GRB10: variants seen among roughly 807,000 people sequenced by gnomAD.
The protein encoded by GRB10 is growth factor receptor bound protein 10.
GRB10 carries 20 observed loss-of-function variants against 80.9 expected under a neutral mutation model. The ratio of observed to expected loss-of-function variants is 0.25; its 90% CI spans 0.17 to 0.36. The LOEUF (loss-of-function observed/expected upper bound fraction) is 0.36, where lower values mean the gene tolerates loss of function less well. GRB10 is among the 10% of genes least tolerant of loss of function. GRB10 has a pLI of 1.00. For missense variants in GRB10, 548 were observed against 747.7 expected (o/e 0.73, Z 3.12); for synonymous variants, 291 against 291.5 (o/e 1.00, Z 0.02).
chr7:50,641,060 A>G (rs1218763829), intron 7 of GRB10, among the ~76,000 whole-genome samples: 1 of 152,022 alleles, frequency 6.6e-6, no homozygotes, highest in Non-Finnish European at 1.5e-5. Flanking sequence ...CTGCCAATCC[A>G]GTGAGCGCCT....
chr7:50,761,612 T>C (rs2075775262), intron 2 of GRB10: 1 of 152,232 alleles, frequency 6.6e-6, no homozygotes, highest in Non-Finnish European at 1.5e-5. Flanking sequence ...CAGATGTAAC[T>C]GTTCTAGGGT....
intron 7 of GRB10, among the ~76,000 whole-genome samples, chr7:50,631,909 C>T (rs190043173): frequency 4.6e-5 from 7 of 152,240 alleles, no homozygotes; most frequent in Middle Eastern, 3.4e-3. Flanking sequence ...ACCAGGGCTC[C>T]CCGCCCTGGC....
intron 17 of GRB10, among the ~76,000 whole-genome samples, chr7:50,602,541 C>A (rs1176901262): frequency 1.3e-5 from 2 of 152,120 alleles, no homozygotes; most frequent in African/African-American, 4.8e-5. Flanking sequence ...ATGCTATTAG[C>A]AAATGACCCA....
At chr7:50,777,641 A>G (rs1466246249) in intron 2 of GRB10, among the ~76,000 whole-genome samples, 1 of 152,162 alleles carries the variant, frequency 6.6e-6, no homozygotes, top group African/African-American at 2.4e-5. Flanking sequence ...CACTACTTAC[A>G]AAAGCAAAGA....
chr7:50,710,854 C>T lies in GRB10; in HGVS notation c.52-6946G>A, dbSNP rs146054144. On this transcript the variant is annotated intron_variant, in intron 4 of 18. Coordinates refer to ENST00000401949, the MANE Select transcript of GRB10 (RefSeq NM_001350814.2). ...CCAGCAACTAAAGGTACTGAGTGTTCGGTAGACAGCGGGCACTGACCTTAC... is the reference window on the plus strand; with the variant it reads ...CCAGCAACTAAAGGTACTGAGTGTTTGGTAGACAGCGGGCACTGACCTTAC... The T allele has an allele frequency of 5.8e-4, 941 of 1,612,004 alleles. 2 individuals carry two copies. The East Asian group carries it at 0.014, about 24-fold the overall frequency.
rs895222389 is a variant in GRB10, at chr7:50,626,528, G to A, written c.661+294C>T. On this transcript the variant is annotated intron_variant, in intron 8 of 18. Coordinates refer to ENST00000401949, the MANE Select transcript of GRB10 (RefSeq NM_001350814.2). ...ACAGGTGTGCAGCAAGCTCCATGTGGCTCTGACAGCTGGGGAGGCTGGACA... is the reference window on the plus strand; with the variant it reads ...ACAGGTGTGCAGCAAGCTCCATGTGACTCTGACAGCTGGGGAGGCTGGACA... 7.9e-5 allele frequency among the ~76,000 whole-genome samples: 12 copies of A among 152,208 alleles called. 1 individual carries two copies. Among genetic ancestry groups the A allele is most frequent in the Non-Finnish European group, 1.5e-4 (10 of 68,038 alleles).
intron 4 of GRB10, among the ~76,000 whole-genome samples, chr7:50,714,354 A>G (rs190620682): frequency 3.3e-5 from 5 of 152,334 alleles, no homozygotes; most frequent in Admixed American, 2.6e-4. Flanking sequence ...TAGTCAAATT[A>G]TATTTATATA....
Position 50,782,134 on chromosome 7 carries a change from G to A in GRB10, c.-327+290C>T, listed in dbSNP as rs1057406036. On this transcript the variant is annotated intron_variant, in intron 1 of 18. Coordinates refer to ENST00000401949, the MANE Select transcript of GRB10 (RefSeq NM_001350814.2). This position sits in a 1 kb window ranked among gnomAD's most constrained non-coding sequence, Gnocchi z 6.6. The stretch of plus-strand genomic sequence containing the variant: ...GCTCGAATCGTCGTCACGGGTTTCC[G>A]TGGGTACAGTTATTACTCGTTACAT... Among the ~76,000 whole-genome samples the A allele has an allele frequency of 3.3e-5, 5 of 152,208 alleles. No individual in the cohort carries two copies. The highest frequency in any genetic ancestry group is 9.6e-5 in the African/African-American group (4 of 41,452).
At chr7:50,642,730 T>C (rs1192150067) in intron 7 of GRB10, among the ~76,000 whole-genome samples, 2 of 151,990 alleles carry the variant, frequency 1.3e-5, no homozygotes, top group Non-Finnish European at 2.9e-5. Flanking sequence ...GCATTTCAGA[T>C]AAAGAATACT....
chr7:50,608,078 G>A (rs1412655660), intron 13 of GRB10, among the ~76,000 whole-genome samples: 2 of 152,148 alleles, frequency 1.3e-5, no homozygotes, highest in African/African-American at 2.4e-5. Flanking sequence ...GGAAATATTT[G>A]ATGAGATAAT....
chr7:50,729,419 GCTTTT>G (rs1397165390), intron 4 of GRB10: 1 of 152,078 alleles, frequency 6.6e-6, no homozygotes, highest in East Asian at 1.9e-4. Flanking sequence ...AATAAATGTT[GCTTTT>G]ATTTACCATA....
At chr7:50,614,973 C>T (rs990230700) in intron 11 of GRB10, 93 bp from the exon 12 acceptor site, 13 of 800,824 alleles carry the variant, frequency 1.6e-5, no homozygotes, top group East Asian at 2.5e-5. Context: ...TGCACACTTA[C>T]AAGCACTTTC....
At chr7:50,788,371 G>A (rs2078780292) in intron 1 of GRB10, among the ~76,000 whole-genome samples, 1 of 152,126 alleles carries the variant, frequency 6.6e-6, no homozygotes, top group African/African-American at 2.4e-5. Context: ...CATGTGAAAG[G>A]ACAAGAGAAG....
intron 3 of GRB10, among the ~76,000 whole-genome samples, chr7:50,734,298 G>C (rs1035698493): frequency 6.6e-6 from 1 of 151,908 alleles, no homozygotes; most frequent in African/African-American, 2.4e-5. Context: ...CCATGTCCTA[G>C]CCCCATCTCT....
chr7:50,654,766 A>AC (rs368502865), intron 7 of GRB10, among the ~76,000 whole-genome samples: 5 of 152,066 alleles, frequency 3.3e-5, no homozygotes, highest in Admixed American at 6.6e-5. Context: ...TTCCCTACCT[A>AC]CCTAGGAGAG....
At chr7:50,754,463 G>A (rs1276616142) in intron 3 of GRB10, among the ~76,000 whole-genome samples, 1 of 152,196 alleles carries the variant, frequency 6.6e-6, no homozygotes, top group Admixed American at 6.5e-5. Flanking sequence ...CATGACCAGG[G>A]CGGGAGCTGC....
chr7:50,630,068 C>T (rs181957738), intron 7 of GRB10, among the ~76,000 whole-genome samples: 1 of 152,336 alleles, frequency 6.6e-6, no homozygotes, highest in East Asian at 1.9e-4. Flanking sequence ...TGAGTTCTAT[C>T]CCGGCTTAGC....
At chr7:50,718,595 C>T (rs538119903) in intron 4 of GRB10, among the ~76,000 whole-genome samples, 1 of 152,246 alleles carries the variant, frequency 6.6e-6, no homozygotes, top group Non-Finnish European at 1.5e-5. Context: ...GGGTCTTAAA[C>T]CCGCACTCTA....
chr7:50,754,247 G>A (rs2074672052), intron 3 of GRB10, among the ~76,000 whole-genome samples: 1 of 152,228 alleles, frequency 6.6e-6, no homozygotes, highest in African/African-American at 2.4e-5. Context: ...TGGGTCTCAG[G>A]CATGGAAGGG....
Sources: allele counts gnomAD v4.1 joint callset (sites outside exome capture counted in the v4.1 genomes callset), GRCh38; gene constraint gnomAD v4.1.1; non-coding constraint Gnocchi (gnomAD v3.1); transcripts MANE v1.5; gene names NCBI Gene and HGNC (gene_info 2026-07-23, HGNC 2026-07-21).